The following L3MBTL4 variants were observed in gnomAD, a reference collection of about 807,000 sequenced individuals.
L3MBTL4 encodes the protein L3MBTL histone methyl-lysine binding protein 4.
In L3MBTL4, 70 loss-of-function variants were observed where a neutral mutation model predicts 84.5. That is an observed-to-expected ratio of 0.83 (90% CI 0.68 to 1.01). The LOEUF (loss-of-function observed/expected upper bound fraction) is 1.01. Among genes scored for constraint, L3MBTL4 ranks in the 50% least tolerant of loss-of-function variants. The pLI, the probability that L3MBTL4 is intolerant of heterozygous loss-of-function variation, is 0.00. For synonymous variants in L3MBTL4, 274 were observed against 259.8 expected (o/e 1.05, Z -0.52); for missense variants, 715 against 754.8 (o/e 0.95, Z 0.62).
chr18:6,168,625 T>C (rs1188599483), intron 13 of L3MBTL4, among the ~76,000 whole-genome samples: 1 of 152,148 alleles, frequency 6.6e-6, no homozygotes, highest in Non-Finnish European at 1.5e-5. Flanking sequence ...GCTAGCCATA[T>C]GTAGAAAGCT....
At chr18:6,316,203 G>A (rs2051089353) in intron 1 of L3MBTL4, among the ~76,000 whole-genome samples, 1 of 149,480 alleles carries the variant, frequency 6.7e-6, no homozygotes, top group South Asian at 2.1e-4. Context: ...CATAAGGACA[G>A]GTCACATCAC....
intron 16 of L3MBTL4, among the ~76,000 whole-genome samples, chr18:5,989,869 C>G (rs548988526): frequency 6.6e-6 from 1 of 152,312 alleles, no homozygotes; most frequent in South Asian, 2.1e-4. Context: ...TGGAAGGTCC[C>G]CTTTGCAGGC....
intron 17 of L3MBTL4, among the ~76,000 whole-genome samples, chr18:5,964,368 C>T (rs977092662): frequency 4.6e-5 from 7 of 152,184 alleles, no homozygotes; most frequent in Non-Finnish European, 1.0e-4. Context: ...CGTGGGGCTG[C>T]CGCTGCTTTA....
At chr18:6,022,642 G>T (rs191172479) in intron 16 of L3MBTL4, among the ~76,000 whole-genome samples, 1 of 152,194 alleles carries the variant, frequency 6.6e-6, no homozygotes, top group East Asian at 1.9e-4. Flanking sequence ...TTATCACATC[G>T]AATCCCAACA....
chr18:6,198,654 A>C (rs1175097502), intron 12 of L3MBTL4, among the ~76,000 whole-genome samples: 2 of 152,226 alleles, frequency 1.3e-5, no homozygotes, highest in Admixed American at 6.5e-5. Flanking sequence ...TCCATAAATC[A>C]GTCTGAAATG....
intron 16 of L3MBTL4, among the ~76,000 whole-genome samples, chr18:6,014,575 G>A (rs1342688953): frequency 2.0e-5 from 3 of 152,186 alleles, no homozygotes; most frequent in Non-Finnish European, 4.4e-5. Context: ...AGTGAGGGGC[G>A]TGTGTGCATG....
chr18:5,984,309 T>C (rs1015759357), intron 16 of L3MBTL4, among the ~76,000 whole-genome samples: 3 of 152,252 alleles, frequency 2.0e-5, no homozygotes, highest in African/African-American at 7.2e-5. Context: ...GCCACATTTC[T>C]GAAGTATGAT....
intron 16 of L3MBTL4, among the ~76,000 whole-genome samples, chr18:6,044,165 G>T (rs1250777557): frequency 1.3e-5 from 2 of 152,180 alleles, no homozygotes; most frequent in African/African-American, 4.8e-5. Flanking sequence ...AGGGGACCTT[G>T]GGAGTAGGCA....
intron 8 of L3MBTL4, among the ~76,000 whole-genome samples, chr18:6,240,754 T>C (rs2047417094): frequency 6.6e-6 from 1 of 152,218 alleles, no homozygotes. Flanking sequence ...TAACACTGCT[T>C]TCAAGATCAC....
At chr18:6,162,020 T>C (rs1478466986) in intron 13 of L3MBTL4, among the ~76,000 whole-genome samples, 1 of 151,568 alleles carries the variant, frequency 6.6e-6, no homozygotes, top group Admixed American at 6.6e-5. Context: ...GTTTCCAAGG[T>C]TTTTATTACA....
intron 1 of L3MBTL4, among the ~76,000 whole-genome samples, chr18:6,390,437 A>G (rs2054997470): frequency 6.6e-6 from 1 of 152,200 alleles, no homozygotes; most frequent in South Asian, 2.1e-4. Flanking sequence ...ACAAGAGCAA[A>G]CTAAACTCAA....
chr18:5,982,366 G>C (rs2053272654), intron 16 of L3MBTL4, among the ~76,000 whole-genome samples: 1 of 152,160 alleles, frequency 6.6e-6, no homozygotes, highest in African/African-American at 2.4e-5. Context: ...AGACTTCCCA[G>C]GTCTACCCAG....
At chr18:6,307,936 T>C (rs946259452) in intron 3 of L3MBTL4, among the ~76,000 whole-genome samples, 3 of 152,220 alleles carry the variant, frequency 2.0e-5, no homozygotes, top group African/African-American at 7.2e-5. Context: ...TGCATTTTGA[T>C]GTAGGAAATT....
intron 16 of L3MBTL4, among the ~76,000 whole-genome samples, chr18:6,042,827 G>A (rs1245236518): frequency 6.6e-6 from 1 of 152,170 alleles, no homozygotes; most frequent in Non-Finnish European, 1.5e-5. Flanking sequence ...ATCTGCAAAT[G>A]TTAATCTCCC....
chr18:6,302,063 C>T (rs772627434), intron 3 of L3MBTL4, 106 bp from the exon 4 acceptor site: 81 of 936,216 alleles, frequency 8.7e-5, no homozygotes, highest in Admixed American at 1.7e-5. Flanking sequence ...AGATCCTCGT[C>T]ACTGAGGCGG....
intron 16 of L3MBTL4, among the ~76,000 whole-genome samples, chr18:5,997,629 A>G (rs2054034222): frequency 6.6e-6 from 1 of 151,822 alleles, no homozygotes; most frequent in African/African-American, 2.4e-5. Flanking sequence ...GAGTTGTCCC[A>G]CCTTTCCAGA....
chr18:5,964,841 A>G (rs2052262709), intron 17 of L3MBTL4, among the ~76,000 whole-genome samples: 1 of 152,226 alleles, frequency 6.6e-6, no homozygotes, highest in Non-Finnish European at 1.5e-5. Flanking sequence ...ATCAGGGAAC[A>G]GACTACATAA....
rs527853031 is a variant in L3MBTL4 at position 6,283,790 on chromosome 18, G to A, written c.127+18113C>T. On this transcript the variant is annotated intron_variant, in intron 4 of 18. Transcript: ENST00000317931. ...TTGGAAAAGCTAAGTATAATCACTT[G>A]TTGAAAGCCACAACATGCCAATTAA... Among the ~76,000 whole-genome samples the A allele has an allele frequency of 2.6e-5, 4 of 152,306 alleles. 1 individual carries two copies. The highest frequency in any genetic ancestry group is 9.6e-5 in the African/African-American group (4 of 41,574).
At chr18:6,310,239 G>T (rs983432603) in intron 3 of L3MBTL4, among the ~76,000 whole-genome samples, 1 of 152,178 alleles carries the variant, frequency 6.6e-6, no homozygotes, top group African/African-American at 2.4e-5. Context: ...ACAGATGCAG[G>T]CCTGCCCAAG....
Sources: gnomAD v4.1 joint callset for allele counts (sites outside exome capture counted in the v4.1 genomes callset) on GRCh38, gnomAD v4.1.1 for gene constraint, MANE v1.5 for transcripts, NCBI Gene and HGNC (gene_info 2026-07-23, HGNC 2026-07-21) for gene names.